CNTN5: variants seen among roughly 807,000 people sequenced by gnomAD.
The protein encoded by CNTN5 is contactin 5.
Under a neutral mutation model 129.1 loss-of-function variants are expected in CNTN5, and 77 were observed. The ratio of observed to expected loss-of-function variants is 0.60; its 90% CI spans 0.50 to 0.72. CNTN5 has a LOEUF of 0.72. Ranked by LOEUF, CNTN5 falls within the 30% of genes least tolerant of loss-of-function variation. The pLI, the probability that CNTN5 is intolerant of heterozygous loss-of-function variation, is 0.00. For missense variants in CNTN5, 1,478 were observed against 1,328.8 expected, an observed-to-expected ratio of 1.11 and a Z score of -1.75; for synonymous variants, 509 against 465.6, an observed-to-expected ratio of 1.09 and a Z score of -1.20.
chr11:99,718,954 G>T (rs1467369954), intron 3 of CNTN5, among the ~76,000 whole-genome samples: 3 of 152,010 alleles, frequency 2.0e-5, no homozygotes, highest in Non-Finnish European at 2.9e-5. Context: ...GTAATAGAAA[G>T]GGCTTTTATA....
intron 3 of CNTN5, among the ~76,000 whole-genome samples, chr11:99,688,589 T>C (rs1953898151): frequency 6.6e-6 from 1 of 152,164 alleles, no homozygotes; most frequent in Non-Finnish European, 1.5e-5. Context: ...CAGTGTTTTT[T>C]AACTTTTTAT....
chr11:100,295,370 A>G (rs1951080157), intron 18 of CNTN5, among the ~76,000 whole-genome samples: 1 of 151,510 alleles, frequency 6.6e-6, no homozygotes, highest in Non-Finnish European at 1.5e-5. Flanking sequence ...AGTGAATCAA[A>G]TCATAGAAGA....
intron 3 of CNTN5, among the ~76,000 whole-genome samples, chr11:99,735,349 A>G (rs1490494557): frequency 1.3e-5 from 2 of 152,216 alleles, no homozygotes; most frequent in African/African-American, 2.4e-5. Flanking sequence ...TATTTTCTCA[A>G]TAGTAAAACT....
intron 3 of CNTN5, among the ~76,000 whole-genome samples, chr11:99,572,246 G>A (rs976459850): frequency 3.8e-4 from 58 of 152,228 alleles, no homozygotes; most frequent in African/African-American, 1.3e-3. Context: ...ATACACCATC[G>A]CTAACGATAG....
At chr11:100,137,748 T>G (rs1026863939) in intron 13 of CNTN5, among the ~76,000 whole-genome samples, 2 of 152,076 alleles carry the variant, frequency 1.3e-5, no homozygotes, top group African/African-American at 4.8e-5. Context: ...GTATGGAAAA[T>G]GCAATTAGGA....
intron 3 of CNTN5, among the ~76,000 whole-genome samples, chr11:99,768,949 A>G (rs1944851758): frequency 6.6e-6 from 1 of 152,206 alleles, no homozygotes; most frequent in African/African-American, 2.4e-5. Context: ...ACTATAGAAC[A>G]CAAAATAAAA....
At chr11:99,820,357 A>G (rs1946759096) in intron 4 of CNTN5, among the ~76,000 whole-genome samples, 1 of 152,294 alleles carries the variant, frequency 6.6e-6, no homozygotes, top group Non-Finnish European at 1.5e-5. Flanking sequence ...CTGGAAGTGT[A>G]TTCTGTGTAA....
At chr11:100,118,559 A>G (rs1475341473) in intron 13 of CNTN5, among the ~76,000 whole-genome samples, 1 of 151,920 alleles carries the variant, frequency 6.6e-6, no homozygotes, top group Admixed American at 6.6e-5. Context: ...AGACTTATCT[A>G]TTGTCTTCAG....
chr11:100,257,331 C>G (rs1032680238), intron 17 of CNTN5, among the ~76,000 whole-genome samples: 2 of 152,124 alleles, frequency 1.3e-5, no homozygotes, highest in African/African-American at 2.4e-5. Flanking sequence ...GACAGAGCAC[C>G]AGGGGGAAGG....
chr11:100,142,693 C>T (rs2138263590), intron 13 of CNTN5, among the ~76,000 whole-genome samples: 1 of 152,188 alleles, frequency 6.6e-6, no homozygotes, highest in African/African-American at 2.4e-5. Flanking sequence ...ACAGATATTC[C>T]TGGGATGCTA....
intron 15 of CNTN5, among the ~76,000 whole-genome samples, chr11:100,202,957 A>C (rs1274163835): frequency 6.6e-6 from 1 of 152,012 alleles, no homozygotes; most frequent in Non-Finnish European, 1.5e-5. Flanking sequence ...GAGAACTAAA[A>C]CTAGCTGTAA....
chr11:99,338,967 G>T (rs1295209389), intron 2 of CNTN5, among the ~76,000 whole-genome samples: 9 of 92,046 alleles, frequency 9.8e-5, no homozygotes, highest in Non-Finnish European at 1.5e-4. Flanking sequence ...ATATGTGTGT[G>T]TTTGTGTGTG....
chr11:99,276,309 A>G (rs1402801574), intron 1 of CNTN5, among the ~76,000 whole-genome samples: 1 of 151,674 alleles, frequency 6.6e-6, no homozygotes, highest in Non-Finnish European at 1.5e-5. Flanking sequence ...TTGATTCCCC[A>G]AGTCATGAAC....
chr11:99,542,038 A>T (rs1344038109), intron 2 of CNTN5, among the ~76,000 whole-genome samples: 1 of 151,462 alleles, frequency 6.6e-6, no homozygotes, highest in Non-Finnish European at 1.5e-5. Context: ...TTCCAAATTT[A>T]TCTCTTTGTT....
At chr11:100,292,245 G>T (rs1419610619) in intron 18 of CNTN5, among the ~76,000 whole-genome samples, 1 of 151,990 alleles carries the variant, frequency 6.6e-6, no homozygotes, top group Non-Finnish European at 1.5e-5. Flanking sequence ...TCTCACATGG[G>T]TGTTAAATGT....
chr11:99,241,526 A>G (rs1861559847), intron 1 of CNTN5, among the ~76,000 whole-genome samples: 1 of 152,102 alleles, frequency 6.6e-6, no homozygotes, highest in South Asian at 2.1e-4. Context: ...CTTTACTCTC[A>G]GTGAAGTGTA....
intron 15 of CNTN5, among the ~76,000 whole-genome samples, chr11:100,218,875 T>C (rs1183671499): frequency 6.6e-6 from 1 of 152,094 alleles, no homozygotes; most frequent in Non-Finnish European, 1.5e-5. Flanking sequence ...GTGATGATTT[T>C]TGAGGTGGTA....
chr11:99,673,161 G>A (rs753125637), intron 3 of CNTN5, among the ~76,000 whole-genome samples: 1 of 152,148 alleles, frequency 6.6e-6, no homozygotes, highest in Non-Finnish European at 1.5e-5. Flanking sequence ...ACCATGCTAT[G>A]CTTGTAGCTG....
At chr11:99,042,780 A>G (rs1268131075) in intron 1 of CNTN5, among the ~76,000 whole-genome samples, 1 of 148,604 alleles carries the variant, frequency 6.7e-6, no homozygotes, top group Non-Finnish European at 1.5e-5. Flanking sequence ...TATTGAATGA[A>G]TGAATGAATG....
Sources: allele counts gnomAD v4.1 joint callset (sites outside exome capture counted in the v4.1 genomes callset), GRCh38; gene constraint gnomAD v4.1.1; transcripts MANE v1.5; gene names NCBI Gene and HGNC (gene_info 2026-07-23, HGNC 2026-07-21).